Variants in PRKN observed in about 807,000 individuals in gnomAD.
PRKN encodes E3 ubiquitin-protein ligase parkin.
In PRKN, 56 loss-of-function variants were observed where a neutral mutation model predicts 59.5. The observed-to-expected ratio is 0.94, with a 90% CI of 0.76 to 1.18. The LOEUF is 1.18. Among genes scored for constraint, PRKN ranks in the 50% most tolerant of loss-of-function variants. PRKN has a pLI of 0.00. For synonymous variants in PRKN, 250 were observed against 222.1 expected, an observed-to-expected ratio of 1.13 and a Z score of -1.12; for missense variants, 657 against 596.4, an observed-to-expected ratio of 1.10 and a Z score of -1.06.
rs374788683 is a variant in PRKN at position 162,352,518 on chromosome 6, C to T, written c.172-89753G>A. Among the ~76,000 whole-genome samples the T allele has an allele frequency of 4.6e-5, 7 of 152,258 alleles. 1 individual carries two copies. The East Asian group carries it at 7.7e-4, about 17-fold the overall frequency. ...ATCTGGTCAGGTCAGTGTGACTGCG[C>T]ATCCTGGGGCCATCTTGATTATGAA... On this transcript the variant is annotated intron_variant, in intron 2 of 11. Transcript: ENST00000366898.
At chr6:162,646,123 C>A (rs1005616770) in intron 1 of PRKN, among the ~76,000 whole-genome samples, 13 of 152,082 alleles carry the variant, frequency 8.5e-5, no homozygotes, top group Non-Finnish European at 1.5e-4. Flanking sequence ...CCGCCCGCCT[C>A]GGCCTCCCAA....
intron 5 of PRKN, among the ~76,000 whole-genome samples, chr6:162,002,248 A>C (rs1782087701): frequency 6.6e-6 from 1 of 151,952 alleles, no homozygotes; most frequent in African/African-American, 2.4e-5. Flanking sequence ...TTTCTTCCTT[A>C]AATGTTTTGT....
intron 9 of PRKN, among the ~76,000 whole-genome samples, chr6:161,437,573 T>C (rs1788983564): frequency 6.6e-6 from 1 of 152,172 alleles, no homozygotes; most frequent in Non-Finnish European, 1.5e-5. Context: ...GAGCCTGGGC[T>C]AGGCTGGTTG....
At chr6:162,591,354 T>A (rs1781300434) in intron 1 of PRKN, among the ~76,000 whole-genome samples, 2 of 152,166 alleles carry the variant, frequency 1.3e-5, no homozygotes, top group South Asian at 2.1e-4. Context: ...TTAATTTTTT[T>A]AAATTAAATT....
intron 4 of PRKN, among the ~76,000 whole-genome samples, chr6:162,122,638 G>T: frequency 6.6e-6 from 1 of 152,128 alleles, no homozygotes; most frequent in East Asian, 1.9e-4. Flanking sequence ...TGGGCTGATG[G>T]ACTGCTGACT....
chr6:161,398,126 G>A (rs185732682), intron 9 of PRKN, among the ~76,000 whole-genome samples: 34 of 152,232 alleles, frequency 2.2e-4, no homozygotes, highest in African/African-American at 7.5e-4. Flanking sequence ...AATCCTAGGA[G>A]AGTCACATTG....
chr6:162,321,520 T>G (rs1783023021), intron 2 of PRKN, among the ~76,000 whole-genome samples: 1 of 151,938 alleles, frequency 6.6e-6, no homozygotes, highest in Non-Finnish European at 1.5e-5. Context: ...ACTTCCAATT[T>G]ATTTTTTTTC....
At chr6:161,684,553 T>C (rs1377369160) in intron 7 of PRKN, among the ~76,000 whole-genome samples, 1 of 152,168 alleles carries the variant, frequency 6.6e-6, no homozygotes, top group Non-Finnish European at 1.5e-5. Flanking sequence ...AATATCTAAT[T>C]ATTCCAACAC....
At chr6:162,511,391 G>A (rs1562344672) in intron 1 of PRKN, among the ~76,000 whole-genome samples, 1 of 151,636 alleles carries the variant, frequency 6.6e-6, no homozygotes, top group Non-Finnish European at 1.5e-5. Flanking sequence ...TTACCTGCTA[G>A]AAAAACTGTG....
chr6:162,124,803 A>C (rs1432895774), intron 4 of PRKN, among the ~76,000 whole-genome samples: 7 of 152,194 alleles, frequency 4.6e-5, no homozygotes, highest in Non-Finnish European at 7.3e-5. Flanking sequence ...AGGAAAAGGC[A>C]GACGCCAAGA....
rs1780900959 is a variant in PRKN at position 161,973,392 on chromosome 6, T to G, written c.644A>C (p.His215Pro). 6.2e-7 allele frequency: 1 copy of G among 1,611,842 alleles called. No homozygotes were observed. The highest frequency in any genetic ancestry group is 1.3e-5 in the African/African-American group (1 of 75,000). Residue 215 changes from histidine to proline, a missense_variant, in exon 6 of 12, where the codon CAC becomes CCC. Transcript: ENST00000366898. ...TGATGTTTCCTTGTCAGAGGTGGGG[T>G]GTGCTCCACATTTAAAGAAAAATTC... ...SAEFFFKCGA[H>P]PTSDKETSVA...
intron 7 of PRKN, among the ~76,000 whole-genome samples, chr6:161,721,407 A>T (rs1470733989): frequency 6.6e-6 from 1 of 152,214 alleles, no homozygotes; most frequent in Non-Finnish European, 1.5e-5. Flanking sequence ...TGCCTTGCCC[A>T]TGGCTTTCCT....
chr6:161,994,817 C>T (rs1022167641), intron 5 of PRKN, among the ~76,000 whole-genome samples: 1 of 151,792 alleles, frequency 6.6e-6, no homozygotes, highest in East Asian at 1.9e-4. Flanking sequence ...GAAGATGACA[C>T]AAACCAATGG....
At chr6:161,733,416 A>T (rs1379350610) in intron 7 of PRKN, among the ~76,000 whole-genome samples, 1 of 152,064 alleles carries the variant, frequency 6.6e-6, no homozygotes, top group Non-Finnish European at 1.5e-5. Context: ...AATAAACAAC[A>T]CCCGGGTATA....
intron 5 of PRKN, among the ~76,000 whole-genome samples, chr6:162,009,762 C>T (rs1461882034): frequency 1.3e-5 from 2 of 151,572 alleles, no homozygotes; most frequent in African/African-American, 4.9e-5. Flanking sequence ...ATAGCAAAAC[C>T]CCATCTCTAC....
At chr6:162,153,212 C>T (rs1263273107) in intron 4 of PRKN, among the ~76,000 whole-genome samples, 6 of 152,236 alleles carry the variant, frequency 3.9e-5, no homozygotes, top group African/African-American at 1.2e-4. Flanking sequence ...CAAGTGAGTG[C>T]AGGAACAAGC....
chr6:161,433,391 A>G lies in PRKN; in HGVS notation c.1084-46514T>C, dbSNP rs1028236913. ...TTGTTGTTTGGATTAACTGTTTACT[A>G]CTAATAATTAATTTTAATAACTCAA... On this transcript the variant is annotated intron_variant, in intron 9 of 11. Coordinates refer to ENST00000366898, the MANE Select transcript of PRKN (RefSeq NM_004562.3). 2.1e-5 allele frequency among the ~76,000 whole-genome samples: 3 copies of G among 139,908 alleles called. No individual in the cohort carries two copies. In the East Asian group the frequency reaches 5.9e-4, roughly 28 times the overall value. The allele number at this position is 139,908 out of a possible 152,430, so 91.8% of individuals were successfully genotyped here. A position where few individuals can be genotyped will look rare whatever the true frequency, so the allele number is the denominator to read the frequency against.
At chr6:161,683,332 G>A (rs548741330) in intron 7 of PRKN, among the ~76,000 whole-genome samples, 1 of 152,318 alleles carries the variant, frequency 6.6e-6, no homozygotes, top group Non-Finnish European at 1.5e-5. Flanking sequence ...GAGGACTGGA[G>A]TGTCAAAATG....
intron 1 of PRKN, among the ~76,000 whole-genome samples, chr6:162,725,441 C>G (rs554133858): frequency 5.9e-5 from 9 of 152,174 alleles, no homozygotes; most frequent in African/African-American, 2.4e-5. Context: ...AAATCCCAAA[C>G]TGACCATTCA....
Sources: allele counts gnomAD v4.1 joint callset (sites outside exome capture counted in the v4.1 genomes callset), GRCh38; gene constraint gnomAD v4.1.1; transcripts MANE v1.5; gene names NCBI Gene and HGNC (gene_info 2026-07-23, HGNC 2026-07-21).